Variants in KCNK12 observed in about 807,000 individuals in gnomAD.
The protein encoded by KCNK12 is potassium two pore domain channel subfamily K member 12.
In KCNK12, 6 loss-of-function variants were observed where a neutral mutation model predicts 25.3. The observed-to-expected ratio is 0.24, with a 90% CI of 0.13 to 0.47. KCNK12 has a LOEUF of 0.47. Ranked by LOEUF, KCNK12 falls within the 20% of genes least tolerant of loss-of-function variation. The pLI, the probability that KCNK12 is intolerant of heterozygous loss-of-function variation, is 0.99. For missense variants in KCNK12, 444 were observed against 661.7 expected (o/e 0.67, Z 3.61); for synonymous variants, 331 against 311.1 (o/e 1.06, Z -0.67).
chr2:47,570,286 G>T lies in KCNK12; in HGVS notation c.46C>A (p.Arg16Ser). 1 of 1,388,280 alleles carries T rather than the reference G, an allele frequency of 7.2e-7. No individual in the cohort carries two copies. The allele number at this position is 1,388,280 out of a possible 1,614,324, so 86.0% of individuals were successfully genotyped here. A position where few individuals can be genotyped will look rare whatever the true frequency, so the allele number is the denominator to read the frequency against. ...CAGCAGCAGGAGGGGCGCGGCAGGC[G>T]GCGGCGGCTACGGCGGGGCGGGGGC... ...PRPPPRRSRRRLPRPSCCCCC... is the reference protein window; with the variant it reads ...PRPPPRRSRRSLPRPSCCCCC... The change falls in exon 1 of 2, where the codon CGC (arginine) becomes AGC (serine). Residue 16 changes from arginine to serine, a missense_variant. By Grantham distance (110) the Arg-to-Ser change is moderately radical. Coordinates refer to ENST00000327876, the MANE Select transcript of KCNK12 (RefSeq NM_022055.2).
intron 1 of KCNK12, among the ~76,000 whole-genome samples, chr2:47,527,152 G>A (rs1668797590): frequency 1.3e-5 from 2 of 152,202 alleles, no homozygotes; most frequent in South Asian, 4.1e-4. Flanking sequence ...GGGCACCAAG[G>A]AAGCTCCATT....
In KCNK12 at chr2:47,514,549, C is replaced by G. The variant is rs1052280048; in HGVS notation, c.*6358G>C. Among the ~76,000 whole-genome samples, 6 of 151,982 alleles carry G rather than the reference C, an allele frequency of 3.9e-5. No homozygotes were observed. In the South Asian group the frequency reaches 6.2e-4, roughly 16 times the overall value. On this transcript the variant is annotated 3_prime_UTR_variant, in exon 2 of 2. Coordinates refer to ENST00000327876, the MANE Select transcript of KCNK12 (RefSeq NM_022055.2). The surrounding 1 kb of genome is among the most constrained non-coding windows in gnomAD (Gnocchi z 5.0). Reference sequence around the variant, plus strand: ...TTAAATAAGATAAATATGCAAGTCTCTTATCTGGGGGTCTGGCTTGGTAAA... The same window carrying G: ...TTAAATAAGATAAATATGCAAGTCTGTTATCTGGGGGTCTGGCTTGGTAAA...
At position 47,521,628 on chromosome 2, in the gene KCNK12, G is replaced by A; in HGVS notation, c.572C>T (p.Pro191Leu). 1 of 1,582,776 alleles carries A rather than the reference G, an allele frequency of 6.3e-7. No individual in the cohort carries two copies. Among genetic ancestry groups the A allele is most frequent in the Non-Finnish European group, 8.6e-7 (1 of 1,165,960 alleles). Residue 191 changes from proline to leucine, a missense_variant, in exon 2 of 2, where the codon CCC becomes CTC. By Grantham distance (98) the Pro-to-Leu change is moderately conservative (BLOSUM62 -3). This residue lies in a region of KCNK12 where 36 missense variants were observed against 36.4 expected (regional missense o/e 0.99). Transcript: ENST00000327876. ...ERQLRRSGLL[P>L]ATFRRGSALS... ...CGCGGAGCCGCGGCGGAAGGTGGCG[G>A]GCAGCAGGCCGCTGCGGCGCAGCTG...
chr2:47,570,639 G>A lies in KCNK12; in HGVS notation c.-308C>T, dbSNP rs1479083194. 1.1e-5 allele frequency: 2 copies of A among 186,560 alleles called. No individual in the cohort carries two copies. The highest frequency in any genetic ancestry group is 1.1e-5 in the Non-Finnish European group (1 of 90,956). The allele number at this position is 186,560 out of a possible 1,614,324, so 11.6% of individuals were successfully genotyped here. A position where few individuals can be genotyped will look rare whatever the true frequency, so the allele number is the denominator to read the frequency against. On this transcript the variant is annotated 5_prime_UTR_variant, in exon 1 of 2. Transcript: ENST00000327876. ...CCTTACCCGCCGCTCTCGGGCGCGG[G>A]GCTCCGCAGCTAGGCCCCTGCCGCC...
intron 1 of KCNK12, among the ~76,000 whole-genome samples, chr2:47,541,978 TAGCAGCAGC>T (rs908359477): frequency 5.3e-5 from 8 of 152,104 alleles, no homozygotes; most frequent in African/African-American, 1.4e-4. Context: ...CTGTTTTCTG[TAGCAGCAGC>T]AGCAGCAGCA....
chr2:47,553,708 G>C (rs929769986), intron 1 of KCNK12, among the ~76,000 whole-genome samples: 1 of 152,198 alleles, frequency 6.6e-6, no homozygotes, highest in South Asian at 2.1e-4. Context: ...GTGGTTTCCT[G>C]TTGCCCCCAT....
rs1293059073 is a variant in KCNK12, at chr2:47,520,639, G to A, written c.*268C>T. On this transcript the variant is annotated 3_prime_UTR_variant, in exon 2 of 2. Coordinates refer to ENST00000327876, the MANE Select transcript of KCNK12 (RefSeq NM_022055.2). The surrounding 1 kb of genome is among the most constrained non-coding windows in gnomAD (Gnocchi z 5.0). ...TCGCTGCGGTATGCCCTGGGTGTGG[G>A]CCTGGGGGGCCACGTTTTCTCTCCC... The A allele has an allele frequency of 8.6e-6, 3 of 348,702 alleles. No homozygotes were observed. Among genetic ancestry groups the A allele is most frequent in the African/African-American group, 6.3e-5 (3 of 47,510 alleles). 21.6% of individuals were successfully genotyped at this position (348,702 alleles called of 1,614,324 possible).
At chr2:47,535,092 C>A (rs1669036549) in intron 1 of KCNK12, 1 of 230,762 alleles carries the variant, frequency 4.3e-6, no homozygotes. Flanking sequence ...AGAGGCCACT[C>A]CTTAAGGGCC....
rs1264594118 is a variant in KCNK12, at chr2:47,570,620, C to A, written c.-289G>T. The A allele has an allele frequency of 4.8e-6, 1 of 207,268 alleles. No homozygotes were observed. Among genetic ancestry groups the A allele is most frequent in the Non-Finnish European group, 9.6e-6 (1 of 104,558 alleles). 12.8% of individuals were successfully genotyped at this position (207,268 alleles called of 1,614,324 possible). A position where few individuals can be genotyped will look rare whatever the true frequency, so the allele number is the denominator to read the frequency against. ...CTCGCCGGCTCCCGCGGCTCCTTAC[C>A]CGCCGCTCTCGGGCGCGGGGCTCCG... is the stretch of plus-strand genomic sequence containing the variant. On this transcript the variant is annotated 5_prime_UTR_variant, in exon 1 of 2. Transcript: ENST00000327876.
At chr2:47,544,230 G>A (rs373828955) in intron 1 of KCNK12, among the ~76,000 whole-genome samples, 3 of 152,250 alleles carry the variant, frequency 2.0e-5, no homozygotes. Flanking sequence ...GTGGTGTTTC[G>A]GGGATAAAGC....
chr2:47,523,185 T>C (rs1437381233), intron 1 of KCNK12, among the ~76,000 whole-genome samples: 1 of 152,176 alleles, frequency 6.6e-6, no homozygotes, highest in African/African-American at 2.4e-5. Context: ...TTTGCCTTAA[T>C]TGGGATTGTT....
chr2:47,512,552 C>G lies in KCNK12; in HGVS notation c.*8355G>C. The G allele has an allele frequency of 8.6e-7, 1 of 1,161,400 alleles. No individual in the cohort carries two copies. The highest frequency in any genetic ancestry group is 2.8e-5 in the Admixed American group (1 of 35,688). The allele number at this position is 1,161,400 out of a possible 1,614,324, so 71.9% of individuals were successfully genotyped here. A position where few individuals can be genotyped will look rare whatever the true frequency, so the allele number is the denominator to read the frequency against. On this transcript the variant is annotated 3_prime_UTR_variant, in exon 2 of 2. Transcript: ENST00000327876. ...TCTCAAAAATGGACCAGAAAGGGGT[C>G]AGGAATATAACTTTCTCTGCCCAGA...
chr2:47,539,174 G>T (rs879882946), intron 1 of KCNK12, among the ~76,000 whole-genome samples: 30 of 152,290 alleles, frequency 2.0e-4, no homozygotes, highest in Admixed American at 2.0e-3. Context: ...CTGAATCCAG[G>T]ATAAATAATG....
In KCNK12 at chr2:47,562,923, C is replaced by A; in HGVS notation, c.391+7018G>T. The stretch of plus-strand genomic sequence containing the variant: ...ACTTTCCGGATTGCTGGCTGGTGGC[C>A]CCATGCAGAGCCCCCGACCCCGGAA... On this transcript the variant is annotated intron_variant, in intron 1 of 1. Coordinates refer to ENST00000327876, the MANE Select transcript of KCNK12 (RefSeq NM_022055.2). The surrounding 1 kb of genome is among the most constrained non-coding windows in gnomAD (Gnocchi z 4.8). 1 of 233,394 alleles carries A rather than the reference C, an allele frequency of 4.3e-6. No individual in the cohort carries two copies. The highest frequency in any genetic ancestry group is 8.5e-6 in the Non-Finnish European group (1 of 118,182). 14.5% of individuals were successfully genotyped at this position (233,394 alleles called of 1,614,324 possible).
chr2:47,560,880 C>T lies in KCNK12; in HGVS notation c.391+9061G>A, dbSNP rs1036690762. Among the ~76,000 whole-genome samples, 3 of 152,168 alleles carry T rather than the reference C, an allele frequency of 2.0e-5. No individual in the cohort carries two copies. The highest frequency in any genetic ancestry group is 1.3e-4 in the Admixed American group (2 of 15,274). ...GATACTGGTGGGCTCTGTGGCCTCC[C>T]CTGGCCCCAGATCCTGTCCTGCTCC... On this transcript the variant is annotated intron_variant, in intron 1 of 1. Coordinates refer to ENST00000327876, the MANE Select transcript of KCNK12 (RefSeq NM_022055.2). This position sits in a 1 kb window ranked among gnomAD's most constrained non-coding sequence, Gnocchi z 4.7.
chr2:47,512,675 A>G lies in KCNK12; in HGVS notation c.*8232T>C. 2.1e-6 allele frequency: 1 copy of G among 473,426 alleles called. No homozygotes were observed. Among genetic ancestry groups the G allele is most frequent in the Non-Finnish European group, 3.8e-6 (1 of 266,560 alleles). 29.3% of individuals were successfully genotyped at this position (473,426 alleles called of 1,614,324 possible). ...GCCCTTGTACACCCACTGCCTCTGA[A>G]CTCTGCTCTGCATTGCTGAGCAAAC... is the stretch of plus-strand genomic sequence containing the variant. On this transcript the variant is annotated 3_prime_UTR_variant, in exon 2 of 2. Coordinates refer to ENST00000327876, the MANE Select transcript of KCNK12 (RefSeq NM_022055.2).
chr2:47,540,311 A>G lies in KCNK12; in HGVS notation c.392-18503T>C, dbSNP rs1669170218. Among the ~76,000 whole-genome samples the G allele has an allele frequency of 6.6e-6, 1 of 152,192 alleles. No homozygotes were observed. The highest frequency in any genetic ancestry group is 2.1e-4 in the South Asian group (1 of 4,824). Reference sequence around the variant, plus strand: ...CTCACTTTCCTACTCTGTGCCAGCCATGAGGTGTAGTCACTGTGCCAGGGG... The same window carrying G: ...CTCACTTTCCTACTCTGTGCCAGCCGTGAGGTGTAGTCACTGTGCCAGGGG... On this transcript the variant is annotated intron_variant, in intron 1 of 1. Coordinates refer to ENST00000327876, the MANE Select transcript of KCNK12 (RefSeq NM_022055.2). This position sits in a 1 kb window ranked among gnomAD's most constrained non-coding sequence, Gnocchi z 5.4.
At position 47,521,534 on chromosome 2, in the gene KCNK12, C is replaced by A; in HGVS notation, c.666G>T (p.Leu222=). Reference sequence around the variant, plus strand: ...CGCAGCAGGACAGCAGCACGGCGAACAGGCCCAGGATGAGCAGCACGTGGT... The same window carrying A: ...CGCAGCAGGACAGCAGCACGGCGAAAAGGCCCAGGATGAGCAGCACGTGGT... ...SVYHVLLILG[L]FAVLLSCCAS... The change falls in exon 2 of 2, where the codon CTG becomes CTT. Residue 222 remains leucine (L), a synonymous_variant. Coordinates refer to ENST00000327876, the MANE Select transcript of KCNK12 (RefSeq NM_022055.2). 1 of 1,569,188 alleles carries A rather than the reference C, an allele frequency of 6.4e-7. No individual in the cohort carries two copies. The highest frequency in any genetic ancestry group is 8.6e-7 in the Non-Finnish European group (1 of 1,157,342).
intron 1 of KCNK12, among the ~76,000 whole-genome samples, chr2:47,522,471 G>C (rs908055367): frequency 2.0e-5 from 3 of 152,266 alleles, no homozygotes; most frequent in African/African-American, 7.2e-5. Flanking sequence ...AAGGCCTTTG[G>C]TCAAACGATC....
Sources: allele counts gnomAD v4.1 joint callset (sites outside exome capture counted in the v4.1 genomes callset), GRCh38; gene constraint gnomAD v4.1.1; regional missense constraint gnomAD v4.1.1; non-coding constraint Gnocchi (gnomAD v3.1); transcripts MANE v1.5; gene names NCBI Gene and HGNC (gene_info 2026-07-23, HGNC 2026-07-21).